SLC20A2: variants seen among roughly 807,000 people sequenced by gnomAD.
SLC20A2 encodes the protein solute carrier family 20 member 2.
Under a neutral mutation model 61.0 loss-of-function variants are expected in SLC20A2, and 30 were observed. The observed-to-expected ratio is 0.49, with a 90% CI of 0.37 to 0.67. The LOEUF (loss-of-function observed/expected upper bound fraction) is 0.67, where lower values mean the gene tolerates loss of function less well. Among genes scored for constraint, SLC20A2 ranks in the 30% least tolerant of loss-of-function variants. The pLI is 0.00. For synonymous variants in SLC20A2, 351 were observed against 353.3 expected (o/e 0.99, Z 0.07); for missense variants, 626 against 866.4 (o/e 0.72, Z 3.48).
rs957476372 is a variant in SLC20A2 at position 42,455,379 on chromosome 8, G to A, written c.613+4517C>T. The stretch of plus-strand genomic sequence containing the variant: ...AAGAGAAATAATTTGTTAAGGTTGA[G>A]GCTGGGCGCGGTGGCTCACGCCTGT... On this transcript the variant is annotated intron_variant, in intron 5 of 10. Coordinates refer to ENST00000520262, the MANE Select transcript of SLC20A2 (RefSeq NM_001257180.2). 2.0e-5 allele frequency among the ~76,000 whole-genome samples: 3 copies of A among 147,540 alleles called. No homozygotes were observed. In the East Asian group the frequency reaches 6.3e-4, roughly 31 times the overall value.
At chr8:42,490,797 A>C (rs931442733) in intron 1 of SLC20A2, among the ~76,000 whole-genome samples, 14 of 152,122 alleles carry the variant, frequency 9.2e-5, no homozygotes, top group Non-Finnish European at 2.1e-4. Flanking sequence ...GGGACACTTA[A>C]CCGCACAGCA....
chr8:42,437,148 T>C lies in SLC20A2; in HGVS notation c.1364A>G (p.Lys455Arg). 1 of 1,613,802 alleles carries C rather than the reference T, an allele frequency of 6.2e-7. No individual in the cohort carries two copies. Among genetic ancestry groups the C allele is most frequent in the Non-Finnish European group, 8.5e-7 (1 of 1,180,028 alleles). ...IEAEEGGVEM[K>R]LASELADPDQ... ...AGGGTCGGCCAGCTCCGACGCCAGC[T>C]TCATCTCCACGCCGCCCTCCTCCGC... The change falls in exon 8 of 11, where the codon AAG becomes AGG. Residue 455 changes from lysine (K) to arginine (R), a missense_variant. Physicochemically the swap from Lys to Arg is conservative, Grantham distance 26. Around this residue, in one of 3 missense-constraint regions of SLC20A2, gnomAD observed 361 missense variants for 422.3 expected, o/e 0.85. Coordinates refer to ENST00000520262, the MANE Select transcript of SLC20A2 (RefSeq NM_001257180.2). The surrounding 1 kb of genome is among the most constrained non-coding windows in gnomAD (Gnocchi z 6.4).
chr8:42,442,747 T>G (rs1804877541), intron 6 of SLC20A2, among the ~76,000 whole-genome samples: 1 of 152,250 alleles, frequency 6.6e-6, no homozygotes, highest in Non-Finnish European at 1.5e-5. Context: ...GGATTTCTAT[T>G]TAAATTGTCT....
chr8:42,444,848 T>C (rs1377198887), intron 5 of SLC20A2, 86 bp from the exon 6 acceptor site: 10 of 856,756 alleles, frequency 1.2e-5, no homozygotes, highest in Non-Finnish European at 1.9e-5. Context: ...ACTCCCCAAA[T>C]CGAGAACGAA....
At chr8:42,519,858 A>C (rs1224866521) in intron 1 of SLC20A2, among the ~76,000 whole-genome samples, 1 of 152,198 alleles carries the variant, frequency 6.6e-6, no homozygotes, top group African/African-American at 2.4e-5. Flanking sequence ...ATGTATAATT[A>C]GCCTGGAAGA....
At chr8:42,531,985 AT>A (rs11323818) in intron 1 of SLC20A2, among the ~76,000 whole-genome samples, 89,017 of 143,340 alleles carry the variant, frequency 0.62, 27,336 homozygotes, top group African/African-American at 0.69. Context: ...CGCCTGGCTA[AT>A]TTTTTTTTTT....
Position 42,417,953 on chromosome 8 carries a change from C to G in SLC20A2, c.1809G>C (p.Val603=). 6.2e-7 allele frequency: 1 copy of G among 1,613,062 alleles called. No homozygotes were observed. Among genetic ancestry groups the G allele is most frequent in the Non-Finnish European group, 8.5e-7 (1 of 1,179,726 alleles). The change falls in exon 11 of 11, where the codon GTG becomes GTC. Residue 603 remains valine (V), a synonymous_variant. Transcript: ENST00000520262. ...TGCGGGAGCGGATCCAGCCCACGGC[C>G]ACCACCGAGCCCACCTGTGGGAGCA... ...STTHCKVGSV[V]AVGWIRSRKA...
intron 6 of SLC20A2, among the ~76,000 whole-genome samples, chr8:42,441,798 T>C (rs1804806288): frequency 1.3e-5 from 2 of 151,904 alleles, no homozygotes; most frequent in Admixed American, 1.3e-4. Flanking sequence ...GAGTTATTTG[T>C]TTTCTAAAAT....
intron 10 of SLC20A2, among the ~76,000 whole-genome samples, chr8:42,418,647 C>A (rs1802831740): frequency 6.6e-6 from 1 of 152,006 alleles, no homozygotes; most frequent in South Asian, 2.1e-4. Flanking sequence ...CTCAGCCTCC[C>A]AAAGTGCTGG....
Position 42,417,690 on chromosome 8 carries a change from T to A in SLC20A2, c.*113A>T, listed in dbSNP as rs115989387. 1,594 of 1,174,758 alleles carry A rather than the reference T, an allele frequency of 1.4e-3. 15 individuals carry two copies. The African/African-American group carries it at 0.02, about 15-fold the overall frequency. 72.8% of individuals were successfully genotyped at this position (1,174,758 alleles called of 1,614,324 possible). On this transcript the variant is annotated 3_prime_UTR_variant, in exon 11 of 11. Transcript: ENST00000520262. Reference sequence around the variant, plus strand: ...TCCTGGAAGGGAGGCAGAGAGCTGGTCATGAGAGAGCCGTGCACGGCCAGG... The same window carrying A: ...TCCTGGAAGGGAGGCAGAGAGCTGGACATGAGAGAGCCGTGCACGGCCAGG...
At chr8:42,522,904 C>CG (rs1327446804) in intron 1 of SLC20A2, among the ~76,000 whole-genome samples, 19,627 of 86,334 alleles carry the variant, frequency 0.23, 2,453 homozygotes, top group African/African-American at 0.37. Flanking sequence ...GTAGAGATGG[C>CG]GGGGTGGGGG....
chr8:42,539,424 C>A (rs1404070118), intron 1 of SLC20A2, among the ~76,000 whole-genome samples: 1 of 152,178 alleles, frequency 6.6e-6, no homozygotes, highest in East Asian at 1.9e-4. Context: ...TAAATCCAAT[C>A]AAAAAACTTA....
At chr8:42,451,791 G>A (rs1163353931) in intron 5 of SLC20A2, among the ~76,000 whole-genome samples, 1 of 143,586 alleles carries the variant, frequency 7.0e-6, no homozygotes, top group Non-Finnish European at 1.5e-5. Flanking sequence ...AAGAGATGAA[G>A]AGGAGGAGGA....
chr8:42,421,714 G>C (rs28448294), intron 10 of SLC20A2, among the ~76,000 whole-genome samples: 15,176 of 152,162 alleles, frequency 0.1, 1,837 homozygotes, highest in African/African-American at 0.29. Context: ...TGAGGCAGGA[G>C]AATTGCTTGA....
intron 5 of SLC20A2, among the ~76,000 whole-genome samples, chr8:42,447,299 T>C (rs1805286056): frequency 1.3e-5 from 2 of 149,894 alleles, no homozygotes; most frequent in Non-Finnish European, 1.5e-5. Context: ...TGAGCTATGA[T>C]AGCGCCATTG....
intron 5 of SLC20A2, among the ~76,000 whole-genome samples, chr8:42,448,173 T>C (rs1805377977): frequency 6.6e-6 from 1 of 152,270 alleles, no homozygotes; most frequent in African/African-American, 2.4e-5. Context: ...CTTCAAAGCA[T>C]GGTTCCTGAA....
intron 10 of SLC20A2, among the ~76,000 whole-genome samples, chr8:42,423,199 C>T (rs1585981490): frequency 6.6e-6 from 1 of 152,164 alleles, no homozygotes; most frequent in East Asian, 1.9e-4. Flanking sequence ...TTTCTAAACT[C>T]CTTAATTCAA....
intron 5 of SLC20A2, among the ~76,000 whole-genome samples, chr8:42,459,357 T>C (rs763824297): frequency 6.6e-6 from 1 of 151,506 alleles, no homozygotes; most frequent in South Asian, 2.1e-4. Flanking sequence ...AAACAAAGCA[T>C]GGCTTCTAGT....
chr8:42,513,501 CA>C (rs1384795612), intron 1 of SLC20A2, among the ~76,000 whole-genome samples: 2 of 152,168 alleles, frequency 1.3e-5, no homozygotes, highest in African/African-American at 4.8e-5. Flanking sequence ...CCTTTTTATA[CA>C]GGTATGAAAA....
Sources: gnomAD v4.1 joint callset for allele counts (sites outside exome capture counted in the v4.1 genomes callset) on GRCh38, gnomAD v4.1.1 for gene constraint, gnomAD v4.1.1 regional missense constraint, Gnocchi (gnomAD v3.1) non-coding constraint, MANE v1.5 for transcripts, NCBI Gene and HGNC (gene_info 2026-07-23, HGNC 2026-07-21) for gene names.